ANKRD13A: variants seen among roughly 807,000 people sequenced by gnomAD.
ANKRD13A encodes the protein ankyrin repeat domain 13A.
A neutral mutation model predicts 81.3 loss-of-function variants in ANKRD13A; 48 were observed. The observed-to-expected ratio is 0.59, with a 90% CI of 0.47 to 0.75. The LOEUF (loss-of-function observed/expected upper bound fraction) is 0.75. Ranked by LOEUF, ANKRD13A falls within the 30% of genes least tolerant of loss-of-function variation. The probability of loss-of-function intolerance (pLI) is 0.00; values close to 1 mark genes in which losing one functional copy is unlikely to be tolerated. For missense variants in ANKRD13A, 612 were observed against 734.0 expected (o/e 0.83, Z 1.92); for synonymous variants, 230 against 270.1 (o/e 0.85, Z 1.45).
intron 13 of ANKRD13A, among the ~76,000 whole-genome samples, chr12:110,035,639 G>A (rs909999556): frequency 7.2e-5 from 11 of 151,902 alleles, no homozygotes; most frequent in African/African-American, 2.7e-4. Flanking sequence ...TAGTAGAGAC[G>A]GGGTTTTACC....
chr12:110,021,271 C>A, intron 6 of ANKRD13A: 1 of 360,144 alleles, frequency 2.8e-6, no homozygotes, highest in Admixed American at 3.2e-5. Flanking sequence ...ATACCAGCTA[C>A]GAAAAGAATA....
rs78185560 is a variant in ANKRD13A at position 110,028,407 on chromosome 12, G to A, written c.946-105G>A. ...AAAAAGTTAGTGAATAGAACTTCCC[G>A]GTCTTTAGCTGGTTAACACGTCCAC... On this transcript the variant is annotated intron_variant, in intron 9 of 14. Transcript: ENST00000261739. The A allele has an allele frequency of 1.4e-3, 1,961 of 1,367,214 alleles. 38 individuals are homozygous for A. The African/African-American group carries it at 0.026, about 18-fold the overall frequency. 84.7% of individuals were successfully genotyped at this position (1,367,214 alleles called of 1,614,324 possible). A position where few individuals can be genotyped will look rare whatever the true frequency, so the allele number is the denominator to read the frequency against.
Position 110,036,319 on chromosome 12 carries a change from A to G in ANKRD13A, c.1568A>G (p.Gln523Arg), listed in dbSNP as rs781330413. The G allele has an allele frequency of 8.1e-6, 13 of 1,613,888 alleles. No homozygotes were observed. ...AGCCAGACAAACACCTATGACGCCC[A>G]GTATGAGAGGTGATTGACTGACGTG... ...GISQTNTYDA[Q>R]YERAIQESLL... The change falls in exon 14 of 15, where the codon CAG becomes CGG. Residue 523 changes from glutamine (Q) to arginine (R), a missense_variant. Transcript: ENST00000261739. The surrounding 1 kb of genome is among the most constrained non-coding windows in gnomAD (Gnocchi z 4.6).
In ANKRD13A at chr12:110,018,426, T is replaced by C. The variant is rs1890900549; in HGVS notation, c.482T>C (p.Leu161Ser). 1 of 1,614,202 alleles carries C rather than the reference T, an allele frequency of 6.2e-7. No individual in the cohort carries two copies. Among genetic ancestry groups the C allele is most frequent in the Non-Finnish European group, 8.5e-7 (1 of 1,180,030 alleles). The change falls in exon 5 of 15, where the codon TTG becomes TCG. Residue 161 changes from leucine to serine, a missense_variant. Physicochemically the swap from Leu to Ser is moderately radical, Grantham distance 145. Coordinates refer to ENST00000261739, the MANE Select transcript of ANKRD13A (RefSeq NM_033121.2). This position sits in a 1 kb window ranked among gnomAD's most constrained non-coding sequence, Gnocchi z 4.4. The stretch of plus-strand genomic sequence containing the variant: ...GCCAAACTGCGCGTCGATATCACAT[T>C]GCTGGGATTTGAAAACATGAGCTGG... ...SGAKLRVDIT[L>S]LGFENMSWIR...
chr12:110,019,928 C>T (rs1890992121), intron 6 of ANKRD13A, among the ~76,000 whole-genome samples: 3 of 152,200 alleles, frequency 2.0e-5, no homozygotes, highest in African/African-American at 7.2e-5. Flanking sequence ...CATCACTGGT[C>T]ATGTGCCTCT....
chr12:110,010,147 A>ATGAGCCACCGCGCC (rs1890441045), intron 1 of ANKRD13A, among the ~76,000 whole-genome samples: 2 of 152,210 alleles, frequency 1.3e-5, no homozygotes, highest in South Asian at 4.1e-4. Flanking sequence ...GATTACAGGC[A>ATGAGCCACCGCGCC]TGAGCCACCG....
In ANKRD13A at chr12:109,999,429, CA is replaced by C. The variant is rs1359157915; in HGVS notation, c.-259del. 4.8e-6 allele frequency: 1 copy of C among 208,762 alleles called. No individual in the cohort carries two copies. The highest frequency in any genetic ancestry group is 9.4e-6 in the Non-Finnish European group (1 of 106,036). 12.9% of individuals were successfully genotyped at this position (208,762 alleles called of 1,614,324 possible). A position where few individuals can be genotyped will look rare whatever the true frequency, so the allele number is the denominator to read the frequency against. ...TCCCTGTTTGGGGCAGTTAGGTCCG[CA>C]GAAGTCTGTCCGCGAGCTGTCAGCG... On this transcript the variant is annotated 5_prime_UTR_variant, in exon 1 of 15. Transcript: ENST00000261739. This position sits in a 1 kb window ranked among gnomAD's most constrained non-coding sequence, Gnocchi z 4.3.
chr12:110,012,838 C>G (rs969545785), intron 2 of ANKRD13A, among the ~76,000 whole-genome samples: 3 of 152,120 alleles, frequency 2.0e-5, no homozygotes, highest in Non-Finnish European at 4.4e-5. Flanking sequence ...GTTGTGTGAT[C>G]GTATAGTTAA....
rs775484007 is a variant in ANKRD13A at position 110,033,847 on chromosome 12, G to A, written c.1399G>A (p.Glu467Lys). The A allele has an allele frequency of 5.0e-6, 8 of 1,610,154 alleles. No individual in the cohort carries two copies. In the East Asian group the frequency reaches 6.7e-5, roughly 14 times the overall value. The change falls in exon 13 of 15, where the codon GAA becomes AAA. Residue 467 changes from glutamate (E) to lysine (K), a missense_variant. Glu to Lys is a moderately conservative substitution (Grantham distance 56). Coordinates refer to ENST00000261739, the MANE Select transcript of ANKRD13A (RefSeq NM_033121.2). ...TGATCAATCTGTGTTTGAAATTCCC[G>A]AATCTTACTATGTTCAAGACAATGG... The part of the protein sequence containing the change: ...EVDQSVFEIP[E>K]SYYVQDNGRN...
rs375802634 is a variant in ANKRD13A, at chr12:110,016,485, C to T, written c.400+52C>T. On this transcript the variant is annotated intron_variant, in intron 4 of 14. Coordinates refer to ENST00000261739, the MANE Select transcript of ANKRD13A (RefSeq NM_033121.2). ...TTTCTCTTTCTAAATTTACTTAGCC[C>T]GCATGTAGGTTTATTTTTCCTTTGT... 479 of 1,479,180 alleles carry T rather than the reference C, an allele frequency of 3.2e-4. 1 individual carries two copies. The highest frequency in any genetic ancestry group is 5.4e-4 in the Middle Eastern group (3 of 5,544). 91.6% of individuals were successfully genotyped at this position (1,479,180 alleles called of 1,614,324 possible). A position where few individuals can be genotyped will look rare whatever the true frequency, so the allele number is the denominator to read the frequency against.
At chr12:110,003,276 A>G (rs898104686) in intron 1 of ANKRD13A, among the ~76,000 whole-genome samples, 1 of 152,222 alleles carries the variant, frequency 6.6e-6, no homozygotes, top group African/African-American at 2.4e-5. Flanking sequence ...TGAAAAGTAT[A>G]GCACCTAGGT....
At position 110,030,702 on chromosome 12, in the gene ANKRD13A, G is replaced by A. The variant is rs761074615; in HGVS notation, c.1292G>A (p.Cys431Tyr). 3 of 1,611,126 alleles carry A rather than the reference G, an allele frequency of 1.9e-6. No homozygotes were observed. Among genetic ancestry groups the A allele is most frequent in the Non-Finnish European group, 2.5e-6 (3 of 1,178,450 alleles). The change falls in exon 12 of 15, where the codon TGT becomes TAT. Residue 431 changes from cysteine to tyrosine, a missense_variant. By Grantham distance (194) the Cys-to-Tyr change is radical. Transcript: ENST00000261739. ...ARITFGNVNGCSTAEESVSQN... is the reference protein window; with the variant it reads ...ARITFGNVNGYSTAEESVSQN... ...ATTACATTTGGAAATGTTAATGGCT[G>A]TAGCACTGCCGAAGAATCTGTATCT...
chr12:110,014,515 A>G (rs1890690403), intron 3 of ANKRD13A, among the ~76,000 whole-genome samples: 1 of 152,232 alleles, frequency 6.6e-6, no homozygotes, highest in South Asian at 2.1e-4. Context: ...CTTTGCTTCA[A>G]GTTATAGAGA....
chr12:109,999,717 A>C lies in ANKRD13A; in HGVS notation c.29A>C (p.His10Pro). Residue 10 changes from histidine (H) to proline (P), a missense_variant, in exon 1 of 15, where the codon CAC becomes CCC. Coordinates refer to ENST00000261739, the MANE Select transcript of ANKRD13A (RefSeq NM_033121.2). The surrounding 1 kb of genome is among the most constrained non-coding windows in gnomAD (Gnocchi z 4.3). ...TCCTCGGCCTGCGACGCGGGCGACC[A>C]CTACCCCCTGCACCTCCTAGTCTGG... Reference protein sequence around the residue: MSSACDAGDHYPLHLLVWKN... With the variant: MSSACDAGDPYPLHLLVWKN... The C allele has an allele frequency of 6.5e-7, 1 of 1,539,764 alleles. No homozygotes were observed. Among genetic ancestry groups the C allele is most frequent in the Non-Finnish European group, 8.8e-7 (1 of 1,141,680 alleles).
rs544184543 is a variant in ANKRD13A at position 110,025,256 on chromosome 12, T to C, written c.802-486T>C. ...CTGTAATCCCAGCTACTCTGGAGGC[T>C]GAGGCACGAGAATCGCTTGAACCCA... On this transcript the variant is annotated intron_variant, in intron 7 of 14. Transcript: ENST00000261739. Among the ~76,000 whole-genome samples, 79 of 151,346 alleles carry C rather than the reference T, an allele frequency of 5.2e-4. No homozygotes were observed. The East Asian group carries it at 5.2e-3, about 10-fold the overall frequency.
In ANKRD13A at chr12:110,029,636, G is replaced by T; in HGVS notation, c.1234+1G>T. 1 of 1,611,098 alleles carries T rather than the reference G, an allele frequency of 6.2e-7. No individual in the cohort carries two copies. The highest frequency in any genetic ancestry group is 8.5e-7 in the Non-Finnish European group (1 of 1,177,422). On this transcript the variant is annotated splice_donor_variant, in intron 11 of 14. Coordinates refer to ENST00000261739, the MANE Select transcript of ANKRD13A (RefSeq NM_033121.2). LOFTEE classifies it high-confidence loss of function. ...CCACCTGGATTTCCTGTCAAAATAG[G>T]TACTGCTAAATAAACTTCAGCAACA...
At position 109,999,755 on chromosome 12, in the gene ANKRD13A, C is replaced by G. The variant is rs200379593; in HGVS notation, c.67C>G (p.Arg23Gly). 7.4e-5 allele frequency: 113 copies of G among 1,531,792 alleles called. No homozygotes were observed. In the East Asian group the frequency reaches 2.7e-3, roughly 37 times the overall value. 94.9% of individuals were successfully genotyped at this position (1,531,792 alleles called of 1,614,324 possible). A position where few individuals can be genotyped will look rare whatever the true frequency, so the allele number is the denominator to read the frequency against. ...CCTCCTAGTCTGGAAAAACGACTAC[C>G]GGCAGCTCGAGAAGGAGCTGCAGGG... ...LHLLVWKNDY[R>G]QLEKELQGQN... is the part of the protein sequence containing the mutation. Residue 23 changes from arginine (R) to glycine (G), a missense_variant, in exon 1 of 15, where the codon CGG becomes GGG. Transcript: ENST00000261739. The surrounding 1 kb of genome is among the most constrained non-coding windows in gnomAD (Gnocchi z 4.3).
intron 13 of ANKRD13A, among the ~76,000 whole-genome samples, chr12:110,034,443 T>TTGTG (rs369382030): frequency 6.6e-6 from 1 of 151,134 alleles, no homozygotes; most frequent in African/African-American, 2.4e-5. Context: ...GCAGTAGGCT[T>TTGTG]TGTGTGTGTG....
rs2287173 is a variant in ANKRD13A at position 110,018,899 on chromosome 12, G to A, written c.545-240G>A. ...GGAATATATTGCTAATAAGAATGCA[G>A]ATTATTAAGAAAAATTCCGCACCTT... On this transcript the variant is annotated intron_variant, in intron 5 of 14. Coordinates refer to ENST00000261739, the MANE Select transcript of ANKRD13A (RefSeq NM_033121.2). The surrounding 1 kb of genome is among the most constrained non-coding windows in gnomAD (Gnocchi z 4.4). 0.18 allele frequency among the ~76,000 whole-genome samples: 28,035 copies of A among 152,152 alleles called. 4,867 individuals carry two copies. The highest frequency in any genetic ancestry group is 0.46 in the African/African-American group (19,187 of 41,450).
Sources: gnomAD v4.1 joint callset for allele counts (sites outside exome capture counted in the v4.1 genomes callset) on GRCh38, gnomAD v4.1.1 for gene constraint, Gnocchi (gnomAD v3.1) non-coding constraint, MANE v1.5 for transcripts, NCBI Gene and HGNC (gene_info 2026-07-23, HGNC 2026-07-21) for gene names.